Variants in MACROD2 observed in about 807,000 individuals in gnomAD.
MACROD2 encodes mono-ADP ribosylhydrolase 2.
MACROD2 carries 36 observed loss-of-function variants against 70.4 expected under a neutral mutation model. The observed-to-expected ratio is 0.51, with a 90% CI of 0.39 to 0.68. The LOEUF is 0.68. MACROD2 is among the 30% of genes least tolerant of loss of function. MACROD2 has a pLI of 0.00. For missense variants in MACROD2, 496 were observed against 538.4 expected (o/e 0.92, Z 0.78); for synonymous variants, 172 against 178.8 (o/e 0.96, Z 0.30).
At chr20:15,452,141 G>A (rs577112373) in intron 7 of MACROD2, among the ~76,000 whole-genome samples, 1 of 152,180 alleles carries the variant, frequency 6.6e-6, no homozygotes, top group South Asian at 2.1e-4. Context: ...TTCACTTATC[G>A]GGCAAGCTTC....
chr20:15,430,205 TTTGTA>T (rs1189855994), intron 6 of MACROD2, among the ~76,000 whole-genome samples: 1 of 151,586 alleles, frequency 6.6e-6, no homozygotes, highest in Non-Finnish European at 1.5e-5. Context: ...CTATTGTGAA[TTTGTA>T]TTGTATTTTT....
At chr20:15,527,861 T>C (rs1466503219) in intron 8 of MACROD2, among the ~76,000 whole-genome samples, 1 of 152,232 alleles carries the variant, frequency 6.6e-6, no homozygotes, top group Non-Finnish European at 1.5e-5. Context: ...GCCTTCTGTC[T>C]TTTTCTCCAT....
intron 3 of MACROD2, among the ~76,000 whole-genome samples, chr20:14,155,786 A>G (rs1211876762): frequency 1.3e-5 from 2 of 152,204 alleles, no homozygotes; most frequent in African/African-American, 4.8e-5. Context: ...AATTTCTATT[A>G]TTAATAATCA....
chr20:14,594,371 C>CT (rs1461407160), intron 4 of MACROD2, among the ~76,000 whole-genome samples: 1 of 152,066 alleles, frequency 6.6e-6, no homozygotes, highest in African/African-American at 2.4e-5. Context: ...ATGGAAAATG[C>CT]TTTTTTTAGA....
At chr20:14,591,484 G>T (rs1007023229) in intron 4 of MACROD2, among the ~76,000 whole-genome samples, 1 of 152,172 alleles carries the variant, frequency 6.6e-6, no homozygotes. Context: ...TTCCAGCAAT[G>T]CCTGTTTTAA....
At chr20:14,511,634 C>T (rs2085031006) in intron 4 of MACROD2, among the ~76,000 whole-genome samples, 1 of 151,448 alleles carries the variant, frequency 6.6e-6, no homozygotes, top group Non-Finnish European at 1.5e-5. Flanking sequence ...AACCTAATGC[C>T]ATCCTTGGAA....
intron 6 of MACROD2, among the ~76,000 whole-genome samples, chr20:15,281,832 ACT>A (rs2077447586): frequency 6.6e-6 from 1 of 151,846 alleles, no homozygotes; most frequent in African/African-American, 2.4e-5. Context: ...GACTCTGGAG[ACT>A]CTAACCCCAC....
rs2076344065 is a variant in MACROD2, at chr20:15,160,963, A to C, written c.419-68977A>C. Among the ~76,000 whole-genome samples, 6 of 121,852 alleles carry C rather than the reference A, an allele frequency of 4.9e-5. No homozygotes were observed. In the South Asian group the frequency reaches 1.6e-3, roughly 32 times the overall value. 79.9% of individuals were successfully genotyped at this position (121,852 alleles called of 152,430 possible). On this transcript the variant is annotated intron_variant, in intron 5 of 17. Transcript: ENST00000684519. The stretch of plus-strand genomic sequence containing the variant: ...GTTTTGCAGGAAGTTAACATGGATC[A>C]AGGAGTGGATGACACACACATATGC...
chr20:15,077,023 A>C (rs1011448822), intron 5 of MACROD2, among the ~76,000 whole-genome samples: 3 of 152,208 alleles, frequency 2.0e-5, no homozygotes, highest in Admixed American at 6.5e-5. Context: ...TAGAAGAGAC[A>C]AAAGATTTCA....
intron 8 of MACROD2, among the ~76,000 whole-genome samples, chr20:15,684,967 A>G (rs893461343): frequency 2.0e-5 from 3 of 152,186 alleles, no homozygotes; most frequent in African/African-American, 4.8e-5. Flanking sequence ...AGCTCTATGA[A>G]ATCTTTGGTA....
intron 6 of MACROD2, among the ~76,000 whole-genome samples, chr20:15,370,853 T>C (rs2045482023): frequency 6.6e-6 from 1 of 152,050 alleles, no homozygotes; most frequent in Admixed American, 6.6e-5. Flanking sequence ...GGTAGGGTGG[T>C]AACCAAGAGA....
intron 2 of MACROD2, among the ~76,000 whole-genome samples, chr20:14,051,277 C>T (rs1049226684): frequency 6.6e-6 from 1 of 152,094 alleles, no homozygotes; most frequent in African/African-American, 2.4e-5. Flanking sequence ...GAAAGAACTA[C>T]AAGTTACATT....
chr20:14,817,490 T>C (rs550256083), intron 5 of MACROD2, among the ~76,000 whole-genome samples: 1 of 152,176 alleles, frequency 6.6e-6, no homozygotes, highest in African/African-American at 2.4e-5. Flanking sequence ...TAATGAAAAG[T>C]TTATTTAGAA....
At chr20:14,666,830 C>G (rs1470306236) in intron 4 of MACROD2, among the ~76,000 whole-genome samples, 2 of 151,808 alleles carry the variant, frequency 1.3e-5, no homozygotes, top group Non-Finnish European at 2.9e-5. Context: ...TTCATCCTGA[C>G]AGGAATGGTA....
At chr20:14,491,482 A>T (rs2084793973) in intron 3 of MACROD2, among the ~76,000 whole-genome samples, 1 of 152,230 alleles carries the variant, frequency 6.6e-6, no homozygotes, top group African/African-American at 2.4e-5. Flanking sequence ...CAATTTTGTA[A>T]AATAGTTCTA....
intron 3 of MACROD2, among the ~76,000 whole-genome samples, chr20:14,345,442 A>T (rs925517267): frequency 2.0e-5 from 3 of 152,044 alleles, no homozygotes; most frequent in African/African-American, 7.2e-5. Flanking sequence ...ACAATACATT[A>T]TTTAGGTAAT....
intron 4 of MACROD2, among the ~76,000 whole-genome samples, chr20:14,632,204 A>C: frequency 6.6e-6 from 1 of 152,154 alleles, no homozygotes. Flanking sequence ...CATTCTAAAT[A>C]TGACTGCATA....
intron 3 of MACROD2, among the ~76,000 whole-genome samples, chr20:14,130,512 C>A (rs2054703311): frequency 1.3e-5 from 2 of 152,010 alleles, no homozygotes; most frequent in Admixed American, 1.3e-4. Context: ...CCACTGCACT[C>A]CAGCCTAGGC....
rs1317853609 is a variant in MACROD2, at chr20:14,462,793, TC to T, written c.272-30684del. On this transcript the variant is annotated intron_variant, in intron 3 of 17. Coordinates refer to ENST00000684519, the MANE Select transcript of MACROD2 (RefSeq NM_001351661.2). Reference sequence around the variant, plus strand: ...CCAGCACCAGTTGTTAAACAGGGAATCCTTTCCCCATTTCTTGTTTTTGTTA... The same window carrying T: ...CCAGCACCAGTTGTTAAACAGGGAATCTTTCCCCATTTCTTGTTTTTGTTA... Among the ~76,000 whole-genome samples the T allele has an allele frequency of 9.2e-5, 14 of 152,136 alleles. 1 individual carries two copies. The highest frequency in any genetic ancestry group is 3.1e-4 in the African/African-American group (13 of 41,378).
Sources: allele counts gnomAD v4.1 joint callset (sites outside exome capture counted in the v4.1 genomes callset), GRCh38; gene constraint gnomAD v4.1.1; transcripts MANE v1.5; gene names NCBI Gene and HGNC (gene_info 2026-07-23, HGNC 2026-07-21).